CDC42BPA: variants seen among roughly 807,000 people sequenced by gnomAD.
The protein encoded by CDC42BPA is serine/threonine-protein kinase MRCK alpha.
Under a neutral mutation model 223.5 loss-of-function variants are expected in CDC42BPA, and 80 were observed. The observed-to-expected ratio is 0.36, with a 90% CI of 0.30 to 0.43. CDC42BPA has a LOEUF of 0.43. CDC42BPA is among the 20% of genes least tolerant of loss of function. The pLI is 1.00. For missense variants in CDC42BPA, 1,743 were observed against 2,099.9 expected, an observed-to-expected ratio of 0.83 and a Z score of 3.32; for synonymous variants, 694 against 718.6, an observed-to-expected ratio of 0.97 and a Z score of 0.55.
intron 1 of CDC42BPA, among the ~76,000 whole-genome samples, chr1:227,300,503 C>A (rs1025288736): frequency 4.6e-5 from 7 of 152,042 alleles, no homozygotes; most frequent in African/African-American, 1.7e-4. Flanking sequence ...ATAAAAAGAA[C>A]AAAATAATGT....
intron 2 of CDC42BPA, among the ~76,000 whole-genome samples, chr1:227,224,510 G>A (rs559776327): frequency 2.0e-5 from 3 of 152,178 alleles, no homozygotes; most frequent in African/African-American, 7.2e-5. Context: ...GGGATTAGAG[G>A]TGTAGCCACC....
intron 4 of CDC42BPA, among the ~76,000 whole-genome samples, chr1:227,197,593 T>C (rs991081241): frequency 6.6e-6 from 1 of 152,162 alleles, no homozygotes; most frequent in African/African-American, 2.4e-5. Flanking sequence ...GTTCAGGCTT[T>C]TTTTGCTATA....
intron 8 of CDC42BPA, among the ~76,000 whole-genome samples, chr1:227,144,507 G>A (rs886841380): frequency 6.5e-5 from 9 of 139,300 alleles, no homozygotes; most frequent in Admixed American, 3.3e-4. Flanking sequence ...CCCGGAAGGC[G>A]GAGCTTGCAA....
At chr1:227,228,029 T>C (rs986789406) in intron 2 of CDC42BPA, among the ~76,000 whole-genome samples, 1 of 151,544 alleles carries the variant, frequency 6.6e-6, no homozygotes, top group Non-Finnish European at 1.5e-5. Context: ...AACCAAACAC[T>C]GCATGTTCTC....
chr1:227,264,782 TC>T, intron 1 of CDC42BPA: 1 of 1,037,958 alleles, frequency 9.6e-7, no homozygotes, highest in South Asian at 1.3e-5. Context: ...TAAAGAATCT[TC>T]CACTGTTACC....
At chr1:227,228,809 G>C (rs1677309028) in intron 2 of CDC42BPA, among the ~76,000 whole-genome samples, 1 of 152,018 alleles carries the variant, frequency 6.6e-6, no homozygotes, top group South Asian at 2.1e-4. Context: ...TGTACATATT[G>C]TCCATATGTA....
intron 5 of CDC42BPA, among the ~76,000 whole-genome samples, chr1:227,164,579 T>C (rs1664694047): frequency 1.0e-5 from 1 of 96,048 alleles, no homozygotes; most frequent in Non-Finnish European, 2.3e-5. Flanking sequence ...GGTGGAAGGA[T>C]CACTTGAGCC....
intron 1 of CDC42BPA, among the ~76,000 whole-genome samples, chr1:227,260,071 A>G (rs1380651277): frequency 2.7e-5 from 4 of 150,614 alleles, no homozygotes; most frequent in Non-Finnish European, 5.9e-5. Context: ...GATAATATAA[A>G]TTCCTGAATA....
chr1:227,068,148 T>A (rs1677494525), intron 21 of CDC42BPA, among the ~76,000 whole-genome samples: 1 of 151,852 alleles, frequency 6.6e-6, no homozygotes, highest in Non-Finnish European at 1.5e-5. Context: ...TAGAAATAAA[T>A]CAATTAAACA....
In CDC42BPA at chr1:227,112,989, C is replaced by T. The variant is rs1687171970; in HGVS notation, c.1648-76G>A. Reference sequence around the variant, plus strand: ...CAAATTTGGCCATCAGAATAGCTATCATTAAGTCAAGAAGAGCCAAAATTA... The same window carrying T: ...CAAATTTGGCCATCAGAATAGCTATTATTAAGTCAAGAAGAGCCAAAATTA... On this transcript the variant is annotated intron_variant, in intron 12 of 36. Transcript: ENST00000366766. The T allele has an allele frequency of 1.8e-5, 26 of 1,470,038 alleles. No individual in the cohort carries two copies. In the South Asian group the frequency reaches 2.7e-4, roughly 15 times the overall value. The allele number at this position is 1,470,038 out of a possible 1,614,324, so 91.1% of individuals were successfully genotyped here.
intron 14 of CDC42BPA, among the ~76,000 whole-genome samples, chr1:227,103,656 T>C (rs565966567): frequency 6.6e-6 from 1 of 152,088 alleles, no homozygotes; most frequent in Non-Finnish European, 1.5e-5. Context: ...AGTATCACTA[T>C]GACAGATCTG....
intron 8 of CDC42BPA, 101 bp downstream of exon 8, chr1:227,145,388 G>A: frequency 9.8e-7 from 1 of 1,019,672 alleles, no homozygotes; most frequent in South Asian, 1.7e-5. Context: ...ACTGATCATT[G>A]TAAAATCATC....
intron 4 of CDC42BPA, among the ~76,000 whole-genome samples, chr1:227,195,656 A>G (rs1168501284): frequency 1.1e-4 from 16 of 152,168 alleles, no homozygotes; most frequent in Admixed American, 6.5e-4. Context: ...AAATATACTT[A>G]TATCTGTTCC....
In CDC42BPA at chr1:227,317,522, A is replaced by C. The variant is rs545613484; in HGVS notation, c.-340T>G. 1.8e-5 allele frequency: 7 copies of C among 398,728 alleles called. No homozygotes were observed. The highest frequency in any genetic ancestry group is 1.3e-4 in the South Asian group (1 of 7,846). The allele number at this position is 398,728 out of a possible 1,614,324, so 24.7% of individuals were successfully genotyped here. A position where few individuals can be genotyped will look rare whatever the true frequency, so the allele number is the denominator to read the frequency against. ...AGTCAACACTTCTTTAAAAAAAAAA[A>C]AAAAAACTCTTCTCCTTCATTCAAA... is the stretch of plus-strand genomic sequence containing the variant. On this transcript the variant is annotated 5_prime_UTR_variant, in exon 1 of 37. Transcript: ENST00000366766.
intron 33 of CDC42BPA, 26 bp from the exon 34 acceptor site, chr1:227,016,223 T>C (rs1275831325): frequency 8.2e-7 from 1 of 1,214,352 alleles, no homozygotes; most frequent in African/African-American, 1.5e-5. Flanking sequence ...TCTGTTTAGA[T>C]ACTTTTTCCA....
chr1:227,232,674 G>C (rs916778132), intron 2 of CDC42BPA, among the ~76,000 whole-genome samples: 15 of 152,174 alleles, frequency 9.9e-5, no homozygotes, highest in African/African-American at 3.6e-4. Flanking sequence ...GTTTGCTGGA[G>C]GTCCACTCCA....
intron 1 of CDC42BPA, among the ~76,000 whole-genome samples, chr1:227,308,878 T>C (rs912148695): frequency 6.6e-6 from 1 of 152,198 alleles, no homozygotes; most frequent in Non-Finnish European, 1.5e-5. Context: ...TGATTAAGCC[T>C]ACAGTGACGT....
In CDC42BPA at chr1:227,029,197, T is replaced by A. The variant is rs200594653; in HGVS notation, c.3892A>T (p.Asn1298Tyr). 44 of 1,600,612 alleles carry A rather than the reference T, an allele frequency of 2.7e-5. No individual in the cohort carries two copies. The highest frequency in any genetic ancestry group is 3.6e-5 in the Non-Finnish European group (43 of 1,179,610). The change falls in exon 30 of 37, where the codon AAT (asparagine) becomes TAT (tyrosine). Residue 1298 changes from asparagine to tyrosine, a missense_variant. Around this residue, in one of 6 missense-constraint regions of CDC42BPA, gnomAD observed 678 missense variants for 777.5 expected, o/e 0.87. Transcript: ENST00000366766. ...KKIHQIELIP[N>Y]DQLVAVISGR... ...GAGATCACAGCAACAAGCTGATCAT[T>A]TGGAATGAGTTCAATCTGATGAATC... is the stretch of plus-strand genomic sequence containing the variant.
intron 22 of CDC42BPA, among the ~76,000 whole-genome samples, chr1:227,050,381 C>T (rs979027856): frequency 3.3e-5 from 5 of 152,106 alleles, no homozygotes; most frequent in South Asian, 2.1e-4. Context: ...ATTGGTCCAA[C>T]CACTGTGGAA....
Sources: gnomAD v4.1 joint callset for allele counts (sites outside exome capture counted in the v4.1 genomes callset) on GRCh38, gnomAD v4.1.1 for gene constraint, gnomAD v4.1.1 regional missense constraint, MANE v1.5 for transcripts, NCBI Gene and HGNC (gene_info 2026-07-23, HGNC 2026-07-21) for gene names.